ANKS1B: variants seen among roughly 807,000 people sequenced by gnomAD.
ANKS1B encodes the protein ankyrin repeat and sterile alpha motif domain containing 1B.
ANKS1B carries 36 observed loss-of-function variants against 148.3 expected under a neutral mutation model. The ratio of observed to expected loss-of-function variants is 0.24; its 90% CI spans 0.19 to 0.32. The LOEUF is 0.32. Among genes scored for constraint, ANKS1B ranks in the 10% least tolerant of loss-of-function variants. ANKS1B has a pLI of 1.00. For missense variants in ANKS1B, 1,157 were observed against 1,542.6 expected, an observed-to-expected ratio of 0.75 and a Z score of 4.19; for synonymous variants, 542 against 560.8, an observed-to-expected ratio of 0.97 and a Z score of 0.47.
chr12:99,794,460 T>TATACACACACAC (rs2065997694), intron 4 of ANKS1B, among the ~76,000 whole-genome samples: 5 of 143,560 alleles, frequency 3.5e-5, no homozygotes, highest in East Asian at 2.1e-4. Context: ...GAAAATGTGG[T>TATACACACACAC]ACACACACAC....
intron 17 of ANKS1B, among the ~76,000 whole-genome samples, chr12:99,021,545 G>A (rs956940487): frequency 2.6e-5 from 4 of 152,104 alleles, no homozygotes; most frequent in Non-Finnish European, 4.4e-5. Context: ...GAATGATACT[G>A]TATAGGTGCA....
At chr12:99,176,891 T>C (rs968708352) in intron 14 of ANKS1B, among the ~76,000 whole-genome samples, 1 of 152,186 alleles carries the variant, frequency 6.6e-6, no homozygotes, top group Non-Finnish European at 1.5e-5. Context: ...TGCAGAGCCA[T>C]GCGCCAATTA....
chr12:99,725,321 G>A (rs2058507184), intron 8 of ANKS1B, among the ~76,000 whole-genome samples: 1 of 152,068 alleles, frequency 6.6e-6, no homozygotes, highest in Non-Finnish European at 1.5e-5. Context: ...AGTTTACCAA[G>A]CAAATGAAAA....
chr12:98,745,742 G>GA lies in ANKS1B; in HGVS notation c.3854dup (p.Ter1286LeufsTer76), dbSNP rs775233453. On this transcript the variant is annotated frameshift_variant, in exon 27 of 27. Coordinates refer to ENST00000683438, the MANE Select transcript of ANKS1B (RefSeq NM_001352186.2). LOFTEE classifies it high-confidence loss of function. ...GAGGACAGGAGGACGGCGAGTATCA[G>GA]AAAATCGTGGTTTCATACTTGGTAT... is the stretch of plus-strand genomic sequence containing the variant. The GA allele has an allele frequency of 6.2e-7, 1 of 1,613,562 alleles. No homozygotes were observed. The highest frequency in any genetic ancestry group is 8.5e-7 in the Non-Finnish European group (1 of 1,179,656).
At chr12:99,708,142 C>T (rs1299295694) in intron 8 of ANKS1B, among the ~76,000 whole-genome samples, 1 of 152,120 alleles carries the variant, frequency 6.6e-6, no homozygotes, top group African/African-American at 2.4e-5. Context: ...CTCAAAGAAA[C>T]ATCTGAAATT....
chr12:99,788,784 A>G (rs2065285513), intron 4 of ANKS1B, among the ~76,000 whole-genome samples: 1 of 152,126 alleles, frequency 6.6e-6, no homozygotes, highest in South Asian at 2.1e-4. Flanking sequence ...TAAGCTGACA[A>G]AAGAGCCCTT....
At chr12:99,018,764 G>T (rs2099944014) in intron 17 of ANKS1B, among the ~76,000 whole-genome samples, 1 of 152,106 alleles carries the variant, frequency 6.6e-6, no homozygotes, top group African/African-American at 2.4e-5. Context: ...CCAACATGGT[G>T]AAACCCCATC....
intron 10 of ANKS1B, among the ~76,000 whole-genome samples, chr12:99,500,683 T>C (rs935611241): frequency 2.0e-5 from 3 of 152,176 alleles, no homozygotes; most frequent in Non-Finnish European, 2.9e-5. Context: ...ACTCCCCCAT[T>C]TTTGCTCCCA....
chr12:98,755,311 A>T (rs1453776705), intron 25 of ANKS1B, among the ~76,000 whole-genome samples: 1 of 152,250 alleles, frequency 6.6e-6, no homozygotes, highest in Non-Finnish European at 1.5e-5. Flanking sequence ...TTGTAACATC[A>T]GAAGGCTTAG....
At chr12:99,333,032 C>T (rs1362359518) in intron 12 of ANKS1B, among the ~76,000 whole-genome samples, 1 of 151,978 alleles carries the variant, frequency 6.6e-6, no homozygotes, top group Non-Finnish European at 1.5e-5. Context: ...AAGGCAATAA[C>T]AAGATCACGT....
At chr12:99,658,798 T>C (rs183326552) in intron 8 of ANKS1B, among the ~76,000 whole-genome samples, 188 of 152,308 alleles carry the variant, frequency 1.2e-3, no homozygotes, top group African/African-American at 3.8e-3. Flanking sequence ...TTTTATTTTT[T>C]ACCATAAAAG....
At chr12:99,981,703 C>T (rs1295853449) in intron 1 of ANKS1B, among the ~76,000 whole-genome samples, 1 of 151,986 alleles carries the variant, frequency 6.6e-6, no homozygotes, top group Non-Finnish European at 1.5e-5. Context: ...TCTTTTTATT[C>T]CTTCATCTGT....
intron 16 of ANKS1B, among the ~76,000 whole-genome samples, chr12:99,058,011 A>C (rs189613464): frequency 3.5e-4 from 53 of 152,260 alleles, no homozygotes; most frequent in Non-Finnish European, 2.9e-4. Flanking sequence ...GAACTACTGA[A>C]ATTTTGATTA....
intron 1 of ANKS1B, among the ~76,000 whole-genome samples, chr12:99,878,006 G>C (rs1261878634): frequency 1.3e-5 from 2 of 152,134 alleles, no homozygotes; most frequent in African/African-American, 2.4e-5. Flanking sequence ...GGTGCAATCA[G>C]ATCACTCCAC....
At chr12:98,802,202 T>G (rs1289359440) in intron 20 of ANKS1B, among the ~76,000 whole-genome samples, 2 of 152,148 alleles carry the variant, frequency 1.3e-5, no homozygotes, top group East Asian at 3.9e-4. Context: ...GTTGGAAGAG[T>G]GTAAAAAGGT....
At chr12:99,818,223 A>T (rs1409263806) in intron 2 of ANKS1B, among the ~76,000 whole-genome samples, 1 of 151,782 alleles carries the variant, frequency 6.6e-6, no homozygotes, top group Admixed American at 6.6e-5. Context: ...TTCTTTAAAT[A>T]TTATTTAGGT....
intron 2 of ANKS1B, among the ~76,000 whole-genome samples, chr12:99,821,543 G>GAATCAGCATT (rs1174118028): frequency 4.0e-4 from 60 of 151,834 alleles, no homozygotes; most frequent in African/African-American, 1.4e-3. Context: ...AGACTGTCAT[G>GAATCAGCATT]TATAAATCAG....
chr12:98,966,894 TG>T (rs2099878467), intron 17 of ANKS1B, among the ~76,000 whole-genome samples: 1 of 26,230 alleles, frequency 3.8e-5, no homozygotes, highest in African/African-American at 1.6e-4. Context: ...TGTCGTGGGG[TG>T]GGGGGAGGGG....
intron 17 of ANKS1B, among the ~76,000 whole-genome samples, chr12:99,022,411 G>T (rs2099946324): frequency 6.6e-6 from 1 of 152,134 alleles, no homozygotes; most frequent in African/African-American, 2.4e-5. Flanking sequence ...CTGAAAATTT[G>T]AAGTTTATCT....
Sources: gnomAD v4.1 joint callset for allele counts (sites outside exome capture counted in the v4.1 genomes callset) on GRCh38, gnomAD v4.1.1 for gene constraint, MANE v1.5 for transcripts, NCBI Gene and HGNC (gene_info 2026-07-23, HGNC 2026-07-21) for gene names.